MGMT: variants seen among roughly 807,000 people sequenced by gnomAD.
MGMT encodes methylated-DNA--protein-cysteine methyltransferase.
MGMT carries 14 observed loss-of-function variants against 15.9 expected under a neutral mutation model. The ratio of observed to expected loss-of-function variants is 0.88; its 90% CI spans 0.58 to 1.37. The LOEUF is 1.37. MGMT is among the 40% of genes most tolerant of loss of function. The pLI is 0.00. For synonymous variants in MGMT, 130 were observed against 118.2 expected (o/e 1.10, Z -0.65); for missense variants, 282 against 268.1 (o/e 1.05, Z -0.36).
At chr10:129,759,111 T>TG (rs1848840325) in intron 3 of MGMT, 91 bp from the exon 4 acceptor site, 3 of 1,480,268 alleles carry the variant, frequency 2.0e-6, no homozygotes, top group Non-Finnish European at 2.8e-6. Context: ...TTTGTGTAGA[T>TG]GCGTTTCCTG....
rs937662905 is a variant in MGMT at position 129,767,861 on chromosome 10, G to C, written c.*864G>C. 6.6e-6 allele frequency: 1 copy of C among 152,256 alleles called. No homozygotes were observed. The highest frequency in any genetic ancestry group is 6.5e-5 in the Admixed American group (1 of 15,280). The allele number at this position is 152,256 out of a possible 1,614,324, so 9.4% of individuals were successfully genotyped here. A position where few individuals can be genotyped will look rare whatever the true frequency, so the allele number is the denominator to read the frequency against. ...AAGTCAAAGGTCACGACTGTGGGGG[G>C]CCAGCTCATGTCACTGATGGCAGCA... is the stretch of plus-strand genomic sequence containing the variant. On this transcript the variant is annotated 3_prime_UTR_variant, in exon 5 of 5. Coordinates refer to ENST00000651593, the MANE Select transcript of MGMT (RefSeq NM_002412.5).
chr10:129,560,998 T>TGTGTGTGTGTGTGTGTGTGTG (rs1564852420), intron 2 of MGMT, among the ~76,000 whole-genome samples: 1 of 146,882 alleles, frequency 6.8e-6, no homozygotes, highest in Non-Finnish European at 1.5e-5. Flanking sequence ...TGTGTGTGTG[T>TGTGTGTGTGTGTGTGTGTGTG]TCCTTTCCCA....
intron 3 of MGMT, among the ~76,000 whole-genome samples, chr10:129,745,100 A>C (rs916256901): frequency 6.6e-6 from 1 of 152,122 alleles, no homozygotes; most frequent in Non-Finnish European, 1.5e-5. Flanking sequence ...AGAGGGAAAG[A>C]TTTTGCAGAA....
Position 129,707,919 on chromosome 10 carries a change from TG to T in MGMT, c.151del (p.Ala51ArgfsTer9). 6.2e-7 allele frequency: 1 copy of T among 1,612,122 alleles called. No homozygotes were observed. Among genetic ancestry groups the T allele is most frequent in the South Asian group, 1.1e-5 (1 of 91,058 alleles). On this transcript the variant is annotated frameshift_variant, in exon 3 of 5. Coordinates refer to ENST00000651593, the MANE Select transcript of MGMT (RefSeq NM_002412.5). LOFTEE classifies it high-confidence loss of function. ...GTGCCGTGGAGGTCCCAGCCCCCGC[TG>T]CGGTTCTCGGAGGTCCGGAGCCCCT... ...ADAVEVPAPA[A>X]VLGGPEPLMQ...
intron 1 of MGMT, among the ~76,000 whole-genome samples, chr10:129,531,749 T>C (rs1193689624): frequency 1.1e-5 from 1 of 90,996 alleles, no homozygotes; most frequent in African/African-American, 4.5e-5. Flanking sequence ...TGTGGGCCTT[T>C]GTGGGAGGCT....
chr10:129,663,062 T>C (rs994866315), intron 2 of MGMT, among the ~76,000 whole-genome samples: 10 of 152,306 alleles, frequency 6.6e-5, no homozygotes, highest in Admixed American at 5.9e-4. Context: ...CAGATACGTA[T>C]TGAAATGCAT....
chr10:129,611,018 T>G (rs1846953107), intron 2 of MGMT, among the ~76,000 whole-genome samples: 1 of 152,224 alleles, frequency 6.6e-6, no homozygotes, highest in South Asian at 2.1e-4. Flanking sequence ...TGGCTTAAAC[T>G]TTGGTATTTC....
At chr10:129,691,375 G>A (rs1157566604) in intron 2 of MGMT, among the ~76,000 whole-genome samples, 3 of 152,234 alleles carry the variant, frequency 2.0e-5, no homozygotes, top group South Asian at 4.1e-4. Flanking sequence ...GGACTTGGGA[G>A]AGGCGGAGAG....
intron 2 of MGMT, among the ~76,000 whole-genome samples, chr10:129,656,701 C>T (rs1180332337): frequency 3.3e-5 from 5 of 152,096 alleles, no homozygotes; most frequent in Admixed American, 3.3e-4. Flanking sequence ...TTCCAGGTCA[C>T]AGGTAGGTGA....
chr10:129,486,687 T>C (rs143165468), intron 1 of MGMT, among the ~76,000 whole-genome samples: 213 of 152,264 alleles, frequency 1.4e-3, no homozygotes, highest in African/African-American at 4.8e-3. Context: ...TCAAACTTTA[T>C]ATGGAGGGGA....
intron 2 of MGMT, among the ~76,000 whole-genome samples, chr10:129,615,043 G>A (rs1174285075): frequency 2.0e-5 from 3 of 152,028 alleles, no homozygotes; most frequent in Admixed American, 2.0e-4. Flanking sequence ...AGGGATTTGT[G>A]GAATTTTGAG....
At chr10:129,656,939 C>T (rs1564750577) in intron 2 of MGMT, among the ~76,000 whole-genome samples, 1 of 152,034 alleles carries the variant, frequency 6.6e-6, no homozygotes, top group Non-Finnish European at 1.5e-5. Flanking sequence ...AACTCTCGGG[C>T]TTCTTAACCC....
intron 1 of MGMT, among the ~76,000 whole-genome samples, chr10:129,519,490 C>T (rs1042071934): frequency 4.6e-5 from 7 of 152,212 alleles, no homozygotes; most frequent in African/African-American, 1.7e-4. Flanking sequence ...TCCTCTGCTG[C>T]GTGGCCTTGC....
chr10:129,575,628 G>A (rs1347300639), intron 2 of MGMT, among the ~76,000 whole-genome samples: 1 of 147,856 alleles, frequency 6.8e-6, no homozygotes, highest in African/African-American at 2.5e-5. Context: ...AAAAGAACTA[G>A]AGAAGCAAGA....
intron 2 of MGMT, among the ~76,000 whole-genome samples, chr10:129,539,952 T>C (rs1422925598): frequency 6.6e-6 from 1 of 152,242 alleles, no homozygotes; most frequent in Admixed American, 6.5e-5. Flanking sequence ...TTTTTTGGAT[T>C]TCGACTGGGA....
Position 129,728,573 on chromosome 10 carries a change from G to A in MGMT, c.274+20530G>A, listed in dbSNP as rs185823239. Among the ~76,000 whole-genome samples, 285 of 152,200 alleles carry A rather than the reference G, an allele frequency of 1.9e-3. 2 individuals are homozygous for A. The highest frequency in any genetic ancestry group is 4.6e-3 in the African/African-American group (191 of 41,518). ...ACCCAGCCCTCTCATGGCCCGCTGT[G>A]TGGCATGTGCTGCTCCCTGGCTCTT... On this transcript the variant is annotated intron_variant, in intron 3 of 4. Coordinates refer to ENST00000651593, the MANE Select transcript of MGMT (RefSeq NM_002412.5).
intron 2 of MGMT, among the ~76,000 whole-genome samples, chr10:129,637,994 A>C (rs1471995707): frequency 6.6e-6 from 1 of 152,184 alleles, no homozygotes; most frequent in Non-Finnish European, 1.5e-5. Flanking sequence ...CACTCGCGGG[A>C]GAGTGAGTGC....
chr10:129,766,663 C>T, intron 4 of MGMT, 125 bp from the exon 5 acceptor site: 1 of 833,488 alleles, frequency 1.2e-6, no homozygotes, highest in Non-Finnish European at 1.8e-6. Context: ...TGCCAACAGC[C>T]TGCCCCTGGC....
At chr10:129,570,977 T>C (rs542494031) in intron 2 of MGMT, among the ~76,000 whole-genome samples, 1 of 152,344 alleles carries the variant, frequency 6.6e-6, no homozygotes, top group African/African-American at 2.4e-5. Flanking sequence ...TATATGTGGC[T>C]GAGCATAATT....
Sources: allele counts gnomAD v4.1 joint callset (sites outside exome capture counted in the v4.1 genomes callset), GRCh38; gene constraint gnomAD v4.1.1; transcripts MANE v1.5; gene names NCBI Gene and HGNC (gene_info 2026-07-23, HGNC 2026-07-21).